PPWD1: variants seen among roughly 807,000 people sequenced by gnomAD.
PPWD1 encodes peptidylprolyl isomerase domain and WD repeat containing 1, also known as peptidylprolyl isomerase domain and WD repeat-containing protein 1.
A neutral mutation model predicts 68.8 loss-of-function variants in PPWD1; 43 were observed. The observed-to-expected ratio is 0.62, with a 90% CI of 0.49 to 0.81. The LOEUF is 0.81. PPWD1 is among the 30% of genes least tolerant of loss of function. The pLI, the probability that PPWD1 is intolerant of heterozygous loss-of-function variation, is 0.00. For synonymous variants in PPWD1, 232 were observed against 258.7 expected (o/e 0.90, Z 0.99); for missense variants, 672 against 804.8 (o/e 0.83, Z 2.00).
Position 65,572,073 on chromosome 5 carries a change from G to A in PPWD1, c.756G>A (p.Gly252=), listed in dbSNP as rs1299162064. The A allele has an allele frequency of 6.2e-7, 1 of 1,613,498 alleles. No individual in the cohort carries two copies. Among genetic ancestry groups the A allele is most frequent in the African/African-American group, 1.3e-5 (1 of 74,902 alleles). Reference sequence around the variant, plus strand: ...CTGGGATGATTGAATACTGGACTGGGCCTCCTCATGAATATAAATTCCCCA... The same window carrying A: ...CTGGGATGATTGAATACTGGACTGGACCTCCTCATGAATATAAATTCCCCA... The part of the protein sequence containing the change: ...DKSGMIEYWT[G]PPHEYKFPKN... Residue 252 remains glycine (G), a synonymous_variant, in exon 5 of 11, where the codon GGG becomes GGA. Transcript: ENST00000261308.
chr5:65,571,976 A>G lies in PPWD1; in HGVS notation c.659A>G (p.Lys220Arg). 1 of 1,613,984 alleles carries G rather than the reference A, an allele frequency of 6.2e-7. No homozygotes were observed. Among genetic ancestry groups the G allele is most frequent in the Non-Finnish European group, 8.5e-7 (1 of 1,179,878 alleles). ...AACCAGCCACTTCATATTTTTGACA[A>G]ACTCCATACATCACCTCTTACTCAG... ...GDNQPLHIFD[K>R]LHTSPLTQIR... Residue 220 changes from lysine to arginine, a missense_variant, in exon 5 of 11, where the codon AAA becomes AGA. Lys to Arg is a conservative substitution (Grantham distance 26). Transcript: ENST00000261308.
intron 2 of PPWD1, 101 bp from the exon 3 acceptor site, chr5:65,569,531 A>G (rs1752925088): frequency 1.5e-6 from 2 of 1,328,176 alleles, no homozygotes; most frequent in Non-Finnish European, 2.0e-6. Flanking sequence ...AAAAAAACCT[A>G]TTATGCACAA....
At chr5:65,565,571 A>T (rs1454858157) in intron 1 of PPWD1, among the ~76,000 whole-genome samples, 1 of 152,132 alleles carries the variant, frequency 6.6e-6, no homozygotes, top group Non-Finnish European at 1.5e-5. Flanking sequence ...TGGGAGGCTG[A>T]GGCGGGCAGA....
chr5:65,563,338 C>T lies in PPWD1; in HGVS notation c.28C>T (p.Gln10Ter). Residue 10 changes from glutamine (Q) to a stop codon, truncating the protein, a stop_gained, in exon 1 of 11, where the codon CAG (glutamine) becomes TAG (stop). Transcript: ENST00000261308. LOFTEE classifies it high-confidence loss of function. Reference protein sequence around the residue: MAAESGSDFQQRRRRRRDPE... With the variant: MAAESGSDF Reference sequence around the variant, plus strand: ...GGCGGCGGAAAGTGGTAGCGATTTTCAGCAGAGACGTAGAAGGCGCCGGGA... The same window carrying T: ...GGCGGCGGAAAGTGGTAGCGATTTTTAGCAGAGACGTAGAAGGCGCCGGGA... 2 of 1,613,728 alleles carry T rather than the reference C, an allele frequency of 1.2e-6. No individual in the cohort carries two copies. Among genetic ancestry groups the T allele is most frequent in the Non-Finnish European group, 1.7e-6 (2 of 1,179,872 alleles).
intron 4 of PPWD1, among the ~76,000 whole-genome samples, chr5:65,571,060 G>C (rs1016916522): frequency 6.6e-6 from 1 of 152,068 alleles, no homozygotes; most frequent in African/African-American, 2.4e-5. Context: ...CTACTCCCCA[G>C]GTTTGTTTCC....
intron 7 of PPWD1, among the ~76,000 whole-genome samples, chr5:65,580,176 T>C (rs1306806008): frequency 2.0e-5 from 3 of 152,208 alleles, no homozygotes; most frequent in Non-Finnish European, 4.4e-5. Context: ...CACAATTTTA[T>C]TTGTTCATCC....
chr5:65,584,908 A>T, intron 8 of PPWD1, 106 bp from the exon 9 acceptor site: 1 of 1,462,084 alleles, frequency 6.8e-7, no homozygotes, highest in Non-Finnish European at 9.1e-7. Flanking sequence ...CTTCTGAAAC[A>T]TTCAGAAGAC....
intron 4 of PPWD1, among the ~76,000 whole-genome samples, chr5:65,570,770 G>T (rs1752975896): frequency 6.6e-6 from 1 of 152,026 alleles, no homozygotes; most frequent in Non-Finnish European, 1.5e-5. Flanking sequence ...AGGAAAGGGA[G>T]ATCTTTTTTT....
At chr5:65,582,861 A>G (rs370731677) in intron 7 of PPWD1, 177 bp from the exon 8 acceptor site, 5 of 755,084 alleles carry the variant, frequency 6.6e-6, no homozygotes, top group Non-Finnish European at 9.5e-6. Context: ...ATATTAGACA[A>G]TGTAAAAATA....
intron 8 of PPWD1, among the ~76,000 whole-genome samples, chr5:65,583,999 AGGT>A (rs1389307173): frequency 6.6e-6 from 1 of 152,210 alleles, no homozygotes; most frequent in East Asian, 1.9e-4. Context: ...ATTGAAAAAA[AGGT>A]GAACAGTTTT....
intron 2 of PPWD1, 138 bp from the exon 3 acceptor site, chr5:65,569,494 G>A (rs1752921872): frequency 3.0e-6 from 3 of 994,892 alleles, no homozygotes; most frequent in Middle Eastern, 3.3e-4. Context: ...TAATATAGTG[G>A]TCTGCTTAAA....
At position 65,579,169 on chromosome 5, in the gene PPWD1, G is replaced by A. The variant is rs531482397; in HGVS notation, c.1161-255G>A. 1.3e-4 allele frequency: 40 copies of A among 316,540 alleles called. No individual in the cohort carries two copies. The East Asian group carries it at 2.2e-3, about 17-fold the overall frequency. The allele number at this position is 316,540 out of a possible 1,614,324, so 19.6% of individuals were successfully genotyped here. On this transcript the variant is annotated intron_variant, in intron 6 of 10. Transcript: ENST00000261308. ...TGACCTCAAGTGATCTGCCTGCCTC[G>A]GCCTCCCAAAGTGCTGGGATTACAG...
chr5:65,577,129 A>T (rs1581158994), intron 6 of PPWD1, 60 bp downstream of exon 6: 20 of 1,546,118 alleles, frequency 1.3e-5, no homozygotes, highest in Non-Finnish European at 1.7e-5. Flanking sequence ...CATTTCCTCC[A>T]TCATGGGAAC....
chr5:65,563,827 A>T, intron 1 of PPWD1: 1 of 1,503,398 alleles, frequency 6.7e-7, no homozygotes, highest in Non-Finnish European at 8.9e-7. Flanking sequence ...TGGAATTTCG[A>T]ACTCTTATTT....
At chr5:65,569,213 A>G (rs989688635) in intron 2 of PPWD1, 49 of 299,758 alleles carry the variant, frequency 1.6e-4, no homozygotes, top group Non-Finnish European at 2.7e-4. Context: ...TATAGGATAT[A>G]AAAAAAACTT....
chr5:65,583,317 T>C, intron 8 of PPWD1, 98 bp downstream of exon 8: 1 of 1,235,570 alleles, frequency 8.1e-7, no homozygotes, highest in East Asian at 2.6e-5. Context: ...TTACTTTGAC[T>C]TAAGGAATTT....
At chr5:65,574,474 T>C (rs1030007685) in intron 5 of PPWD1, among the ~76,000 whole-genome samples, 1 of 96,142 alleles carries the variant, frequency 1.0e-5, no homozygotes, top group African/African-American at 3.9e-5. Flanking sequence ...TTTTTTTTTT[T>C]GAGACGGAGT....
rs1435821450 is a variant in PPWD1 at position 65,585,003 on chromosome 5, T to C, written c.1533-11T>C. 1.9e-6 allele frequency: 3 copies of C among 1,610,026 alleles called. No homozygotes were observed. Among genetic ancestry groups the C allele is most frequent in the African/African-American group, 2.7e-5 (2 of 74,766 alleles). Reference sequence around the variant, plus strand: ...GAATAGGTTTCATATTTGTAACATATGTCTTAATAGGTGCCCTAAGACAGT... The same window carrying C: ...GAATAGGTTTCATATTTGTAACATACGTCTTAATAGGTGCCCTAAGACAGT... On this transcript the variant is annotated splice_polypyrimidine_tract_variant and intron_variant, in intron 8 of 10. Transcript: ENST00000261308.
chr5:65,577,114 G>C, intron 6 of PPWD1, 45 bp downstream of exon 6: 2 of 1,562,968 alleles, frequency 1.3e-6, no homozygotes, highest in Non-Finnish European at 1.7e-6. Context: ...GTGTTTGTGG[G>C]GGACCATTTC....
Sources: gnomAD v4.1 joint callset for allele counts (sites outside exome capture counted in the v4.1 genomes callset) on GRCh38, gnomAD v4.1.1 for gene constraint, MANE v1.5 for transcripts, NCBI Gene and HGNC (gene_info 2026-07-23, HGNC 2026-07-21) for gene names.